SPOCK3: variants seen among roughly 807,000 people sequenced by gnomAD.
The protein encoded by SPOCK3 is testican-3.
Under a neutral mutation model 56.6 loss-of-function variants are expected in SPOCK3, and 30 were observed. That is an observed-to-expected ratio of 0.53 (90% CI 0.40 to 0.72). The LOEUF (loss-of-function observed/expected upper bound fraction) is 0.72, where lower values mean the gene tolerates loss of function less well. SPOCK3 is among the 30% of genes least tolerant of loss of function. The pLI is 0.00. For synonymous variants in SPOCK3, 196 were observed against 183.3 expected (o/e 1.07, Z -0.56); for missense variants, 527 against 530.0 (o/e 0.99, Z 0.06).
chr4:167,000,395 C>G lies in SPOCK3; in HGVS notation c.304G>C (p.Asp102His). The change falls in exon 4 of 11, where the codon GAT becomes CAT. Residue 102 changes from aspartate to histidine, a missense_variant. By Grantham distance (81) the Asp-to-His change is moderately conservative. Coordinates refer to ENST00000357545, the MANE Select transcript of SPOCK3 (RefSeq NM_001040159.2). ...CTAATGCAGACTGCAGTCTGAGAAT[C>G]TTGAGCAATGCATACTTTATGGCGA... ...CSRHKVCIAQDSQTAVCISHR... is the reference protein window; with the variant it reads ...CSRHKVCIAQHSQTAVCISHR... 1 of 1,607,818 alleles carries G rather than the reference C, an allele frequency of 6.2e-7. No individual in the cohort carries two copies. The highest frequency in any genetic ancestry group is 1.3e-5 in the African/African-American group (1 of 74,724).
chr4:166,859,159 A>G (rs904456385), intron 6 of SPOCK3, among the ~76,000 whole-genome samples: 10 of 152,300 alleles, frequency 6.6e-5, no homozygotes, highest in African/African-American at 2.2e-4. Context: ...AGGCTATACC[A>G]TATAGCCTAG....
chr4:167,036,913 G>A (rs1421567416), intron 3 of SPOCK3, among the ~76,000 whole-genome samples: 1 of 151,834 alleles, frequency 6.6e-6, no homozygotes, highest in Non-Finnish European at 1.5e-5. Flanking sequence ...TTTTACTCTC[G>A]AGACCACATA....
At chr4:166,756,139 A>G (rs1737042361) in intron 7 of SPOCK3, among the ~76,000 whole-genome samples, 1 of 32,716 alleles carries the variant, frequency 3.1e-5, no homozygotes, top group Non-Finnish European at 6.6e-5. Flanking sequence ...CGCACCTGGA[A>G]AATCAGGTCA....
chr4:166,741,753 A>C (rs1734865659), intron 9 of SPOCK3, among the ~76,000 whole-genome samples: 2 of 152,146 alleles, frequency 1.3e-5, no homozygotes, highest in East Asian at 3.8e-4. Context: ...CATTGCTTAA[A>C]TCTTTCTTTT....
At chr4:166,893,681 T>C (rs537944926) in intron 5 of SPOCK3, among the ~76,000 whole-genome samples, 1 of 152,262 alleles carries the variant, frequency 6.6e-6, no homozygotes, top group Non-Finnish European at 1.5e-5. Context: ...AATGTTATTT[T>C]CTTATGGTAG....
chr4:166,974,948 A>C (rs1299462186), intron 4 of SPOCK3, among the ~76,000 whole-genome samples: 3 of 152,198 alleles, frequency 2.0e-5, no homozygotes, highest in Non-Finnish European at 4.4e-5. Context: ...CTCATAAAGA[A>C]ATTAATTCTC....
At chr4:166,789,882 T>G (rs1452951187) in intron 7 of SPOCK3, among the ~76,000 whole-genome samples, 1 of 152,212 alleles carries the variant, frequency 6.6e-6, no homozygotes, top group Non-Finnish European at 1.5e-5. Flanking sequence ...CAATATCTAT[T>G]ATCTTATGTA....
chr4:166,895,443 T>TA (rs56955240), intron 5 of SPOCK3, among the ~76,000 whole-genome samples: 97,059 of 150,468 alleles, frequency 0.65, 31,282 homozygotes, highest in East Asian at 0.75. Flanking sequence ...GGATGCATTG[T>TA]AAAAAAAGAA....
chr4:166,743,640 C>G (rs776323122), intron 8 of SPOCK3, among the ~76,000 whole-genome samples: 1 of 152,106 alleles, frequency 6.6e-6, no homozygotes, highest in African/African-American at 2.4e-5. Context: ...GAGTATGAGC[C>G]GAAGCAGGGC....
intron 3 of SPOCK3, among the ~76,000 whole-genome samples, chr4:167,048,880 TG>T (rs1189765371): frequency 6.6e-6 from 1 of 152,154 alleles, no homozygotes; most frequent in Non-Finnish European, 1.5e-5. Context: ...GATACATATG[TG>T]GGGGCAGGTA....
chr4:167,184,539 A>C (rs10006528), intron 2 of SPOCK3, among the ~76,000 whole-genome samples: 27,886 of 152,080 alleles, frequency 0.18, 2,794 homozygotes, highest in Admixed American at 0.26. Context: ...TCATCACTAA[A>C]CTATAAAATA....
Position 167,146,974 on chromosome 4 carries a change from A to G in SPOCK3, c.190-84437T>C, listed in dbSNP as rs148808505. On this transcript the variant is annotated intron_variant, in intron 2 of 10. Coordinates refer to ENST00000357545, the MANE Select transcript of SPOCK3 (RefSeq NM_001040159.2). ...ATAACTAAGATCAGACCGGAACTAA[A>G]GGAGATAGAGACACGAAAAACCCTT... Among the ~76,000 whole-genome samples the G allele has an allele frequency of 3.8e-3, 583 of 152,308 alleles. 4 individuals carry two copies. The highest frequency in any genetic ancestry group is 0.013 in the African/African-American group (555 of 41,580).
chr4:167,073,720 T>G (rs1015568463), intron 2 of SPOCK3, among the ~76,000 whole-genome samples: 3 of 151,906 alleles, frequency 2.0e-5, no homozygotes, highest in Non-Finnish European at 4.4e-5. Flanking sequence ...TTAATTTATT[T>G]CATTGTTGTT....
chr4:167,160,262 G>A (rs1765174329), intron 2 of SPOCK3, among the ~76,000 whole-genome samples: 1 of 152,120 alleles, frequency 6.6e-6, no homozygotes. Context: ...CAAACAGAGA[G>A]CCAAACCATG....
chr4:167,009,045 A>G (rs1476087084), intron 3 of SPOCK3, among the ~76,000 whole-genome samples: 3 of 152,174 alleles, frequency 2.0e-5, no homozygotes, highest in African/African-American at 7.2e-5. Flanking sequence ...AAAGGTCTTC[A>G]ATTACTTTTT....
At chr4:167,043,331 C>A (rs1753400651) in intron 3 of SPOCK3, among the ~76,000 whole-genome samples, 2 of 151,986 alleles carry the variant, frequency 1.3e-5, no homozygotes, top group Admixed American at 6.6e-5. Context: ...TATTCTGCAA[C>A]CTTGTTATAA....
At chr4:167,078,325 T>C (rs948165855) in intron 2 of SPOCK3, among the ~76,000 whole-genome samples, 20 of 129,032 alleles carry the variant, frequency 1.5e-4, no homozygotes, top group African/African-American at 5.9e-4. Flanking sequence ...TGTGTGTGTG[T>C]GTGTGTGTGT....
intron 4 of SPOCK3, among the ~76,000 whole-genome samples, chr4:166,944,248 T>G (rs912102951): frequency 6.6e-6 from 1 of 152,012 alleles, no homozygotes; most frequent in African/African-American, 2.4e-5. Context: ...AGGGAGGGGA[T>G]TGTATAGATA....
chr4:167,063,203 G>A (rs1157804872), intron 2 of SPOCK3, among the ~76,000 whole-genome samples: 1 of 151,756 alleles, frequency 6.6e-6, no homozygotes, highest in Non-Finnish European at 1.5e-5. Flanking sequence ...GATATACTTA[G>A]TAAATATGAC....
Sources: allele counts gnomAD v4.1 joint callset (sites outside exome capture counted in the v4.1 genomes callset), GRCh38; gene constraint gnomAD v4.1.1; transcripts MANE v1.5; gene names NCBI Gene and HGNC (gene_info 2026-07-23, HGNC 2026-07-21).